GDAP1: variants seen among roughly 807,000 people sequenced by gnomAD.
GDAP1 encodes the protein ganglioside induced differentiation associated protein 1.
GDAP1 carries 34 observed loss-of-function variants against 40.1 expected under a neutral mutation model. The ratio of observed to expected loss-of-function variants is 0.85; its 90% CI spans 0.64 to 1.13. GDAP1 has a LOEUF of 1.13. Among genes scored for constraint, GDAP1 ranks in the 50% most tolerant of loss-of-function variants. The pLI is 0.00. For synonymous variants in GDAP1, 170 were observed against 157.4 expected (o/e 1.08, Z -0.60); for missense variants, 374 against 433.7 (o/e 0.86, Z 1.22).
intron 2 of GDAP1, among the ~76,000 whole-genome samples, chr8:74,409,194 T>G (rs1805677688): frequency 6.7e-6 from 1 of 150,168 alleles, no homozygotes; most frequent in Admixed American, 6.6e-5. Flanking sequence ...ATGTTCTCTT[T>G]CCCTTTGGCC....
chr8:74,427,560 G>A (rs951878654), intron 2 of GDAP1, among the ~76,000 whole-genome samples: 10 of 152,132 alleles, frequency 6.6e-5, no homozygotes, highest in Admixed American at 6.6e-4. Context: ...TCCTAAAACA[G>A]ACAATCTTTG....
chr8:74,420,229 A>C (rs368175209), intron 2 of GDAP1, among the ~76,000 whole-genome samples: 1 of 152,120 alleles, frequency 6.6e-6, no homozygotes, highest in Admixed American at 6.6e-5. Context: ...CATTTTTTAA[A>C]TTATAGTGGA....
intron 4 of GDAP1, among the ~76,000 whole-genome samples, chr8:74,362,275 C>T (rs1205642809): frequency 6.6e-6 from 1 of 152,192 alleles, no homozygotes; most frequent in Non-Finnish European, 1.5e-5. Context: ...TATTCCACCA[C>T]TGGAAGTCCT....
intron 2 of GDAP1, among the ~76,000 whole-genome samples, chr8:74,464,317 T>G (rs934179804): frequency 6.6e-6 from 1 of 152,132 alleles, no homozygotes; most frequent in African/African-American, 2.4e-5. Context: ...CATGGTGACT[T>G]GATAAGTTGT....
chr8:74,481,933 G>C (rs1395264872), intron 2 of GDAP1, among the ~76,000 whole-genome samples: 1 of 152,040 alleles, frequency 6.6e-6, no homozygotes, highest in Non-Finnish European at 1.5e-5. Context: ...AAAACAATGG[G>C]GATATAGACA....
chr8:74,460,928 T>G (rs539045933), intron 2 of GDAP1, among the ~76,000 whole-genome samples: 324 of 152,298 alleles, frequency 2.1e-3, no homozygotes, highest in African/African-American at 7.4e-3. Context: ...CTTTTTGCTT[T>G]CTCTTCCCAC....
At position 74,452,846 on chromosome 8, in the gene GDAP1, G is replaced by T. The variant is rs1307370217; in HGVS notation, c.166-35832G>T. 2.8e-4 allele frequency among the ~76,000 whole-genome samples: 23 copies of T among 82,256 alleles called. 9 individuals are homozygous for T. The highest frequency in any genetic ancestry group is 4.4e-4 in the Non-Finnish European group (18 of 40,732). 54.0% of individuals were successfully genotyped at this position (82,256 alleles called of 152,430 possible). A position where few individuals can be genotyped will look rare whatever the true frequency, so the allele number is the denominator to read the frequency against. On this transcript the variant is annotated intron_variant, in intron 2 of 2. Coordinates refer to the GDAP1 transcript ENST00000523640. ...TTTACATATCTTGTAATTTTTTATT[G>T]TGTTCTTGGCATTATTTATGATATG...
chr8:74,449,047 AG>A (rs1250302398), intron 2 of GDAP1, among the ~76,000 whole-genome samples: 3 of 151,924 alleles, frequency 2.0e-5, no homozygotes, highest in East Asian at 3.8e-4. Context: ...GGAGGCTCCA[AG>A]GTTTAATTTT....
rs553094088 is a variant in GDAP1 at position 74,440,617 on chromosome 8, T to C, written c.166-48061T>C. 4.8e-3 allele frequency among the ~76,000 whole-genome samples: 663 copies of C among 138,864 alleles called. 10 individuals carry two copies. The highest frequency in any genetic ancestry group is 0.017 in the African/African-American group (632 of 37,726). 91.1% of individuals were successfully genotyped at this position (138,864 alleles called of 152,430 possible). A position where few individuals can be genotyped will look rare whatever the true frequency, so the allele number is the denominator to read the frequency against. On this transcript the variant is annotated intron_variant, in intron 2 of 2. Transcript: ENST00000523640. ...TACTTTAGAAGTCTTTTTTTTTTTTTCGTAATGAGTTAGGGTTTGCATGTA... is the reference window on the plus strand; with the variant it reads ...TACTTTAGAAGTCTTTTTTTTTTTTCCGTAATGAGTTAGGGTTTGCATGTA...
At chr8:74,404,968 A>G (rs751907082) in intron 2 of GDAP1, among the ~76,000 whole-genome samples, 1 of 150,072 alleles carries the variant, frequency 6.7e-6, no homozygotes, top group Non-Finnish European at 1.5e-5. Flanking sequence ...TAGATTACTT[A>G]TAATACCTAA....
At chr8:74,442,977 T>G (rs572981652) in intron 2 of GDAP1, among the ~76,000 whole-genome samples, 15 of 152,356 alleles carry the variant, frequency 9.8e-5, no homozygotes, top group African/African-American at 3.6e-4. Context: ...AGCTGGACAT[T>G]CTGCTAGACT....
At chr8:74,440,375 C>T (rs1806148178) in intron 2 of GDAP1, among the ~76,000 whole-genome samples, 1 of 152,144 alleles carries the variant, frequency 6.6e-6, no homozygotes, top group South Asian at 2.1e-4. Context: ...GACAAGTCAT[C>T]CTGTTGTATT....
intron 2 of GDAP1, among the ~76,000 whole-genome samples, chr8:74,422,193 T>A (rs1267236571): frequency 1.4e-5 from 2 of 139,306 alleles, no homozygotes; most frequent in African/African-American, 4.9e-5. Context: ...CTTTTTTCTC[T>A]TTCTTCTTTC....
At position 74,460,661 on chromosome 8, in the gene GDAP1, A is replaced by G. The variant is rs10755958; in HGVS notation, c.166-28017A>G. 5.5e-4 allele frequency among the ~76,000 whole-genome samples: 84 copies of G among 152,316 alleles called. No homozygotes were observed. The South Asian group carries it at 0.017, about 31-fold the overall frequency. ...AGTGGATAGGCAATGAAGTTCCTGC[A>G]GGGGCCTGAGGAGTTAATCCAGGAA... On this transcript the variant is annotated intron_variant, in intron 2 of 2. Coordinates refer to the GDAP1 transcript ENST00000523640.
In GDAP1 at chr8:74,360,360, A is replaced by G. The variant is rs777799822; in HGVS notation, c.484+50A>G. 1.3e-5 allele frequency: 20 copies of G among 1,482,134 alleles called. No homozygotes were observed. The African/African-American group carries it at 2.5e-4, about 18-fold the overall frequency. The allele number at this position is 1,482,134 out of a possible 1,614,324, so 91.8% of individuals were successfully genotyped here. On this transcript the variant is annotated intron_variant, in intron 3 of 5. Transcript: ENST00000220822. ...GAATTCTGTCTGACACTTTCTTTTA[A>G]TTCATTTTGAGACCTAGCATGTCTC...
chr8:74,393,430 A>G (rs1810142910), intron 2 of GDAP1, among the ~76,000 whole-genome samples: 1 of 152,202 alleles, frequency 6.6e-6, no homozygotes, highest in Non-Finnish European at 1.5e-5. Context: ...CCCTCAGAGA[A>G]GTTTAGATGG....
At chr8:74,463,566 A>G (rs1806430612) in intron 2 of GDAP1, among the ~76,000 whole-genome samples, 1 of 152,188 alleles carries the variant, frequency 6.6e-6, no homozygotes, top group African/African-American at 2.4e-5. Context: ...GCATTCTGCT[A>G]TGGAAAGTTT....
chr8:74,422,285 T>TTTCTTTCTTTCTTTCTTTC (rs1416353756), intron 2 of GDAP1, among the ~76,000 whole-genome samples: 1 of 87,690 alleles, frequency 1.1e-5, no homozygotes, highest in East Asian at 3.7e-4. Flanking sequence ...TTCTTTTTTC[T>TTTCTTTCTTTCTTTCTTTC]TTTCTTTCTT....
chr8:74,477,713 TG>T lies in GDAP1; in HGVS notation c.166-10964del, dbSNP rs1162583206. 2.0e-5 allele frequency among the ~76,000 whole-genome samples: 3 copies of T among 152,254 alleles called. No individual in the cohort carries two copies. In the East Asian group the frequency reaches 5.8e-4, roughly 29 times the overall value. ...CTGGTCACAACACTCTAATGGGTGG[TG>T]CCAGCCAAAGCACTTCAAAGGGCAG... On this transcript the variant is annotated intron_variant, in intron 2 of 2. Coordinates refer to the GDAP1 transcript ENST00000523640.
Sources: gnomAD v4.1 joint callset for allele counts (sites outside exome capture counted in the v4.1 genomes callset) on GRCh38, gnomAD v4.1.1 for gene constraint, MANE v1.5 for transcripts, NCBI Gene and HGNC (gene_info 2026-07-23, HGNC 2026-07-21) for gene names.